The following HERC2 variants were observed in gnomAD, a reference collection of about 807,000 sequenced individuals.
The protein encoded by HERC2 is HECT and RLD domain containing E3 ubiquitin protein ligase 2.
HERC2 carries 102 observed loss-of-function variants against 537.7 expected under a neutral mutation model. The ratio of observed to expected loss-of-function variants is 0.19; its 90% CI spans 0.16 to 0.22. HERC2 has a LOEUF of 0.22. Ranked by LOEUF, HERC2 falls within the 10% of genes least tolerant of loss-of-function variation. The pLI is 1.00. For synonymous variants in HERC2, 2,224 were observed against 2,466.2 expected (o/e 0.90, Z 2.91); for missense variants, 4,236 against 6,198.2 (o/e 0.68, Z 10.63).
At position 28,257,090 on chromosome 15, in the gene HERC2, C is replaced by T. The variant is rs369053697; in HGVS notation, c.2488G>A (p.Val830Met). 43 of 1,613,594 alleles carry T rather than the reference C, an allele frequency of 2.7e-5. No individual in the cohort carries two copies. Among genetic ancestry groups the T allele is most frequent in the Middle Eastern group, 3.3e-4 (2 of 6,076 alleles). ...AGTCGTAGAAGATTCAGCGTTGCCA[C>T]GGCCACACACTCTTTCTCCTGGGGC... ...PPPQEKECVA[V>M]ATLNLLRLQL... is the part of the protein sequence containing the mutation. Residue 830 changes from valine (V) to methionine (M), a missense_variant, in exon 17 of 93, where the codon GTG becomes ATG. This residue lies in a region of HERC2 where 754 missense variants were observed against 1,085.0 expected (regional missense o/e 0.69). Transcript: ENST00000261609.
chr15:28,249,729 C>T lies in HERC2; in HGVS notation c.3051-993G>A, dbSNP rs1019771789. Among the ~76,000 whole-genome samples, 3 of 152,116 alleles carry T rather than the reference C, an allele frequency of 2.0e-5. No homozygotes were observed. In the East Asian group the frequency reaches 5.8e-4, roughly 29 times the overall value. On this transcript the variant is annotated intron_variant, in intron 20 of 92. Coordinates refer to ENST00000261609, the MANE Select transcript of HERC2 (RefSeq NM_004667.6). ...TGACATGATCTCAGCTCACTGCAAC[C>T]TCCGCCTCCCGGGTTAAAGCGATTC...
At chr15:28,309,779 T>C (rs556042913) in intron 2 of HERC2, among the ~76,000 whole-genome samples, 441 of 152,130 alleles carry the variant, frequency 2.9e-3, no homozygotes, top group African/African-American at 0.01. Context: ...TGTGAGAGTG[T>C]AAATGCTTGT....
Position 28,182,504 on chromosome 15 carries a change from C to G in HERC2, c.8834G>C (p.Arg2945Thr). ...TGATTCCAGCCCAGCAGCCTTCTTT[C>G]TAATGAGGCTAACCAAACGGAAAAA... ...DEKGNSGSLIRKKAAGLESAA... is the reference protein window; with the variant it reads ...DEKGNSGSLITKKAAGLESAA... The change falls in exon 57 of 93, where the codon AGA becomes ACA. Residue 2945 changes from arginine (R) to threonine (T), a missense_variant. Arg to Thr is a moderately conservative substitution (Grantham distance 71, BLOSUM62 -1). This residue lies in a region of HERC2 where 606 missense variants were observed against 884.5 expected (regional missense o/e 0.69). Transcript: ENST00000261609. The G allele has an allele frequency of 6.2e-7, 1 of 1,607,254 alleles. No homozygotes were observed. Among genetic ancestry groups the G allele is most frequent in the East Asian group, 2.2e-5 (1 of 44,824 alleles).
At position 28,111,863 on chromosome 15, in the gene HERC2, G is replaced by T; in HGVS notation, c.14405C>A (p.Thr4802Lys). 1 of 1,614,244 alleles carries T rather than the reference G, an allele frequency of 6.2e-7. No homozygotes were observed. The highest frequency in any genetic ancestry group is 8.5e-7 in the Non-Finnish European group (1 of 1,180,046). Residue 4802 changes from threonine (T) to lysine (K), a missense_variant, in exon 93 of 93, where the codon ACA (threonine) becomes AAA (lysine). Thr to Lys is a moderately conservative substitution (Grantham distance 78, BLOSUM62 -1). Around this residue, in one of 27 missense-constraint regions of HERC2, gnomAD observed 313 missense variants for 462.6 expected, o/e 0.68. Transcript: ENST00000261609. ...DTDDYARIAL[T>K]GEPAADDSSD... ...GCTGTCGTCGGCGGCTGGCTCTCCTGTAAGTGCGATGCGAGCGTAGTCATC... is the reference window on the plus strand; with the variant it reads ...GCTGTCGTCGGCGGCTGGCTCTCCTTTAAGTGCGATGCGAGCGTAGTCATC...
intron 88 of HERC2, among the ~76,000 whole-genome samples, 197 bp downstream of exon 88, chr15:28,116,468 C>T (rs1888267141): frequency 1.3e-5 from 2 of 152,280 alleles, no homozygotes; most frequent in South Asian, 4.1e-4. Flanking sequence ...CTGCCTGCCT[C>T]AGCCTCCCAA....
At chr15:28,300,282 A>T (rs2141202564) in intron 2 of HERC2, among the ~76,000 whole-genome samples, 1 of 150,416 alleles carries the variant, frequency 6.6e-6, no homozygotes, top group East Asian at 2.0e-4. Context: ...TCAAAAATTA[A>T]AATTAAATCA....
chr15:28,167,357 A>G (rs891555276), intron 68 of HERC2, among the ~76,000 whole-genome samples: 2 of 152,232 alleles, frequency 1.3e-5, no homozygotes, highest in Non-Finnish European at 2.9e-5. Flanking sequence ...ACTGAAGACT[A>G]AAGAGGCAAC....
At chr15:28,307,192 G>T (rs1274852944) in intron 2 of HERC2, among the ~76,000 whole-genome samples, 1 of 152,190 alleles carries the variant, frequency 6.6e-6, no homozygotes, top group Non-Finnish European at 1.5e-5. Context: ...GCTGTTCATA[G>T]TCTCTAATGA....
chr15:28,126,697 T>C (rs1253939962), intron 83 of HERC2, among the ~76,000 whole-genome samples: 3 of 152,060 alleles, frequency 2.0e-5, no homozygotes, highest in South Asian at 4.2e-4. Flanking sequence ...ACAATGGACT[T>C]TGGAGACTCG....
chr15:28,202,104 G>A lies in HERC2; in HGVS notation c.7617+9C>T, dbSNP rs1425976261. On this transcript the variant is annotated intron_variant, in intron 47 of 92. Transcript: ENST00000261609. ...CCCAGGTGCGGGCGGTCACATGGGAGGCACTGACCATGGAGTAGGCGGCAT... is the reference window on the plus strand; with the variant it reads ...CCCAGGTGCGGGCGGTCACATGGGAAGCACTGACCATGGAGTAGGCGGCAT... 6.8e-7 allele frequency: 1 copy of A among 1,474,606 alleles called. No individual in the cohort carries two copies. The highest frequency in any genetic ancestry group is 1.7e-5 in the Admixed American group (1 of 57,244). 91.3% of individuals were successfully genotyped at this position (1,474,606 alleles called of 1,614,324 possible).
At chr15:28,279,951 G>T in intron 5 of HERC2, 117 bp downstream of exon 5, 1 of 773,976 alleles carries the variant, frequency 1.3e-6, no homozygotes. Context: ...GGGAAAGCAA[G>T]AATAAATTTC....
At chr15:28,271,128 CCA>C (rs1445545016) in intron 9 of HERC2, among the ~76,000 whole-genome samples, 1 of 152,144 alleles carries the variant, frequency 6.6e-6, no homozygotes, top group Non-Finnish European at 1.5e-5. Context: ...TAAGATGGAT[CCA>C]CACAGATTAC....
intron 83 of HERC2, among the ~76,000 whole-genome samples, chr15:28,125,958 C>T (rs796359591): frequency 1.1e-4 from 17 of 152,316 alleles, no homozygotes; most frequent in African/African-American, 3.4e-4. Context: ...CTCACAGGCA[C>T]GCACCACCAT....
intron 69 of HERC2, among the ~76,000 whole-genome samples, chr15:28,161,801 C>T (rs1052619306): frequency 2.6e-5 from 4 of 152,144 alleles, no homozygotes; most frequent in African/African-American, 9.7e-5. Flanking sequence ...GTTAAAATAC[C>T]ATAGTATCAG....
chr15:28,130,299 G>A lies in HERC2; in HGVS notation c.12666C>T (p.Gly4222=), dbSNP rs757708528. 42 of 1,613,972 alleles carry A rather than the reference G, an allele frequency of 2.6e-5. No homozygotes were observed. The highest frequency in any genetic ancestry group is 3.5e-5 in the Non-Finnish European group (41 of 1,180,020). Residue 4222 remains glycine, a synonymous_variant, in exon 83 of 93, where the codon GGC becomes GGT. Transcript: ENST00000261609. ...GGCCCAACCTGTGATAATCGCCTTTGCCCCTGCACACAAAGGAAGCATGGA... is the reference window on the plus strand; with the variant it reads ...GGCCCAACCTGTGATAATCGCCTTTACCCCTGCACACAAAGGAAGCATGGA... The part of the protein sequence containing the change: ...LTKSGAVYTW[G]KGDYHRLGHG...
At chr15:28,298,931 G>A (rs897710727) in intron 3 of HERC2, among the ~76,000 whole-genome samples, 13 of 152,174 alleles carry the variant, frequency 8.5e-5, no homozygotes, top group Admixed American at 6.5e-4. Flanking sequence ...GGGGACCAAC[G>A]AACTTCAACA....
intron 58 of HERC2, 54 bp downstream of exon 58, chr15:28,179,088 G>A: frequency 6.3e-7 from 1 of 1,599,686 alleles, no homozygotes; most frequent in Non-Finnish European, 8.5e-7. Flanking sequence ...AAACTTTTTT[G>A]TTTTTTGGTG....
Position 28,237,697 on chromosome 15 carries a change from A to C in HERC2, c.3852+417T>G, listed in dbSNP as rs182709728. 1.3e-3 allele frequency among the ~76,000 whole-genome samples: 195 copies of C among 152,364 alleles called. 3 individuals are homozygous for C. The highest frequency in any genetic ancestry group is 4.4e-3 in the African/African-American group (181 of 41,584). The stretch of plus-strand genomic sequence containing the variant: ...TCTTATTACTTGTCGATACCTGGAA[A>C]GCTAATCCCAATATATAAATTCTAT... On this transcript the variant is annotated intron_variant, in intron 25 of 92. Transcript: ENST00000261609.
At chr15:28,283,605 AAGG>A (rs1447197029) in intron 4 of HERC2, among the ~76,000 whole-genome samples, 3 of 152,210 alleles carry the variant, frequency 2.0e-5, no homozygotes, top group African/African-American at 7.2e-5. Flanking sequence ...GAACTTCTGG[AAGG>A]AGGAGATGAC....
Sources: allele counts gnomAD v4.1 joint callset (sites outside exome capture counted in the v4.1 genomes callset), GRCh38; gene constraint gnomAD v4.1.1; regional missense constraint gnomAD v4.1.1; transcripts MANE v1.5; gene names NCBI Gene and HGNC (gene_info 2026-07-23, HGNC 2026-07-21).